SPC25: variants seen among roughly 807,000 people sequenced by gnomAD.
The protein encoded by SPC25 is kinetochore protein Spc25.
SPC25 carries 22 observed loss-of-function variants against 29.6 expected under a neutral mutation model. The observed-to-expected ratio is 0.74, with a 90% CI of 0.53 to 1.06. The LOEUF is 1.06. Among genes scored for constraint, SPC25 ranks in the 50% least tolerant of loss-of-function variants. The pLI is 0.00. For synonymous variants in SPC25, 91 were observed against 90.4 expected, an observed-to-expected ratio of 1.01 and a Z score of -0.04; for missense variants, 230 against 255.8, an observed-to-expected ratio of 0.90 and a Z score of 0.69.
At chr2:168,879,609 T>G (rs1690141306) in intron 3 of SPC25, among the ~76,000 whole-genome samples, 1 of 152,216 alleles carries the variant, frequency 6.6e-6, no homozygotes, top group African/African-American at 2.4e-5. Context: ...AAAATCAACT[T>G]CTTCCAAGCT....
chr2:168,872,168 A>G (rs1480211763), intron 6 of SPC25, among the ~76,000 whole-genome samples: 1 of 152,144 alleles, frequency 6.6e-6, no homozygotes, highest in Non-Finnish European at 1.5e-5. Context: ...GGGTTTCACC[A>G]TGTTACCCAG....
chr2:168,873,735 C>T, intron 5 of SPC25, 52 bp from the exon 6 acceptor site: 1 of 1,153,426 alleles, frequency 8.7e-7, no homozygotes, highest in South Asian at 1.2e-5. Context: ...TGGAGATACC[C>T]TTTCTTACTC....
intron 4 of SPC25, chr2:168,862,030 T>A: frequency 6.2e-7 from 1 of 1,614,152 alleles, no homozygotes; most frequent in South Asian, 1.1e-5. Flanking sequence ...GGCAAGATGA[T>A]GAGTTGAATT....
In SPC25 at chr2:168,871,561, A is replaced by G; in HGVS notation, c.551-6T>C. ...ATGAGGGGCACTATCTGACACTAGA[A>G]AAAAAAAAAAAAGAAATCAAAGACA... On this transcript the variant is annotated splice_polypyrimidine_tract_variant and splice_region_variant and intron_variant, in intron 6 of 6. Coordinates refer to ENST00000282074, the MANE Select transcript of SPC25 (RefSeq NM_020675.4). 1 of 36,282 alleles carries G rather than the reference A, an allele frequency of 2.8e-5. No individual in the cohort carries two copies. Among genetic ancestry groups the G allele is most frequent in the Non-Finnish European group, 3.6e-5 (1 of 27,924 alleles). 2.2% of individuals were successfully genotyped at this position (36,282 alleles called of 1,614,324 possible).
downstream of SPC25, among the ~76,000 whole-genome samples, chr2:168,869,807 A>G (rs1450486938): frequency 6.6e-6 from 1 of 152,194 alleles, no homozygotes; most frequent in African/African-American, 2.4e-5. Flanking sequence ...ATTCAATGCC[A>G]TCCCCATCAA....
intron 6 of SPC25, among the ~76,000 whole-genome samples, chr2:168,872,281 G>GC (rs1690007215): frequency 1.3e-5 from 2 of 152,138 alleles, no homozygotes; most frequent in Non-Finnish European, 2.9e-5. Context: ...AAAAAGAACA[G>GC]TTTTCAATGC....
chr2:168,864,796 C>T (rs756061995), intron 4 of SPC25: 1 of 1,611,640 alleles, frequency 6.2e-7, no homozygotes, highest in Non-Finnish European at 8.5e-7. Context: ...CATGTGTTCA[C>T]ATCACAGAGA....
intron 1 of SPC25, among the ~76,000 whole-genome samples, 183 bp downstream of exon 1, chr2:168,890,135 C>G (rs1417246318): frequency 2.0e-5 from 3 of 152,320 alleles, no homozygotes; most frequent in Admixed American, 6.5e-5. Context: ...ATACCTCCTG[C>G]AGTGAAACCC....
Position 168,873,451 on chromosome 2 carries a change from C to G in SPC25, c.550+134G>C, listed in dbSNP as rs955941220. On this transcript the variant is annotated intron_variant, in intron 6 of 6. Coordinates refer to ENST00000282074, the MANE Select transcript of SPC25 (RefSeq NM_020675.4). Reference sequence around the variant, plus strand: ...TTCACTTCCTTTAGAAGACTATACTCCAAGAAGCAAGACTGAAAAAGGAAG... The same window carrying G: ...TTCACTTCCTTTAGAAGACTATACTGCAAGAAGCAAGACTGAAAAAGGAAG... 6.7e-6 allele frequency: 4 copies of G among 599,350 alleles called. No individual in the cohort carries two copies. The African/African-American group carries it at 7.4e-5, about 11-fold the overall frequency. The allele number at this position is 599,350 out of a possible 1,614,324, so 37.1% of individuals were successfully genotyped here.
chr2:168,874,950 C>A (rs372593047), intron 5 of SPC25, among the ~76,000 whole-genome samples: 11 of 152,232 alleles, frequency 7.2e-5, no homozygotes, highest in Admixed American at 3.3e-4. Flanking sequence ...TATGCTAATT[C>A]CTTCTAGTGA....
At chr2:168,890,237 C>T in intron 1 of SPC25, 81 bp downstream of exon 1, 1 of 763,734 alleles carries the variant, frequency 1.3e-6, no homozygotes, top group Non-Finnish European at 1.6e-6. Context: ...GCCGCAAATA[C>T]ACACATCCCG....
chr2:168,887,003 C>T (rs1477776301), intron 3 of SPC25, among the ~76,000 whole-genome samples: 1 of 152,054 alleles, frequency 6.6e-6, no homozygotes, highest in Admixed American at 6.5e-5. Flanking sequence ...TTTAAAGAAC[C>T]CAAACTCAAT....
In SPC25 at chr2:168,876,600, C is replaced by CTTT. The variant is rs34758857; in HGVS notation, c.347-427_347-425dup. ...TTATTTCATGCTAGTTTAGTTTTTT[C>CTTT]TTTTTTTTTTTTTTAAGTTAGCACA... On this transcript the variant is annotated intron_variant, in intron 4 of 6. Transcript: ENST00000282074. Among the ~76,000 whole-genome samples the CTTT allele has an allele frequency of 1.6e-3, 224 of 142,822 alleles. 1 individual carries two copies. Among genetic ancestry groups the CTTT allele is most frequent in the African/African-American group, 3.2e-3 (125 of 38,858 alleles). 93.7% of individuals were successfully genotyped at this position (142,822 alleles called of 152,430 possible). A position where few individuals can be genotyped will look rare whatever the true frequency, so the allele number is the denominator to read the frequency against.
intron 3 of SPC25, among the ~76,000 whole-genome samples, chr2:168,884,012 G>A (rs190604911): frequency 6.8e-4 from 103 of 152,096 alleles, no homozygotes; most frequent in Admixed American, 3.5e-3. Flanking sequence ...CTCGTGATCC[G>A]CCTGCCTCGG....
At chr2:168,887,513 G>A (rs575331562) in intron 3 of SPC25, among the ~76,000 whole-genome samples, 1 of 152,124 alleles carries the variant, frequency 6.6e-6, no homozygotes, top group Non-Finnish European at 1.5e-5. Context: ...AAAGTCAAAT[G>A]CCTTCATGGG....
intron 4 of SPC25, among the ~76,000 whole-genome samples, chr2:168,876,918 T>C (rs1468169147): frequency 6.6e-6 from 1 of 152,162 alleles, no homozygotes; most frequent in African/African-American, 2.4e-5. Context: ...ATTTGTTGCA[T>C]AAAGTACACT....
At chr2:168,865,052 T>G (rs1453037458) in intron 4 of SPC25, 2 of 1,443,732 alleles carry the variant, frequency 1.4e-6, no homozygotes, top group East Asian at 4.6e-5. Context: ...TGCTCTTACC[T>G]TTACATGTTT....
At chr2:168,872,273 A>G (rs987078396) in intron 6 of SPC25, among the ~76,000 whole-genome samples, 1 of 152,202 alleles carries the variant, frequency 6.6e-6, no homozygotes, top group Admixed American at 6.5e-5. Flanking sequence ...CAGCCTGAAA[A>G]AAGAACAGTT....
At chr2:168,885,682 A>G (rs963939284) in intron 3 of SPC25, among the ~76,000 whole-genome samples, 2 of 152,194 alleles carry the variant, frequency 1.3e-5, no homozygotes, top group Admixed American at 1.3e-4. Flanking sequence ...CCCTCTTCCC[A>G]GAATGTAATG....
Sources: gnomAD v4.1 joint callset for allele counts (sites outside exome capture counted in the v4.1 genomes callset) on GRCh38, gnomAD v4.1.1 for gene constraint, MANE v1.5 for transcripts, NCBI Gene and HGNC (gene_info 2026-07-23, HGNC 2026-07-21) for gene names.